The following ZBTB7C variants were observed in gnomAD, a reference collection of about 807,000 sequenced individuals.
The protein encoded by ZBTB7C is zinc finger and BTB domain containing 7C.
ZBTB7C carries 8 observed loss-of-function variants against 25.7 expected under a neutral mutation model. The observed-to-expected ratio is 0.31, with a 90% CI of 0.18 to 0.56. The LOEUF is 0.56. ZBTB7C is among the 20% of genes least tolerant of loss of function. ZBTB7C has a pLI of 0.91. For missense variants in ZBTB7C, 824 were observed against 855.2 expected (o/e 0.96, Z 0.46); for synonymous variants, 394 against 369.0 (o/e 1.07, Z -0.78).
At chr18:48,136,946 G>A (rs1252519380) in intron 3 of ZBTB7C, 3 of 968,886 alleles carry the variant, frequency 3.1e-6, no homozygotes, top group East Asian at 1.1e-4. Context: ...CGGCCCGGCC[G>A]CTGGGCTCCC....
At chr18:48,186,826 G>C (rs540917577) in intron 2 of ZBTB7C, among the ~76,000 whole-genome samples, 1 of 152,316 alleles carries the variant, frequency 6.6e-6, no homozygotes, top group South Asian at 2.1e-4. Flanking sequence ...AGTGATTTTA[G>C]TTGGCTTTTA....
At chr18:48,173,172 G>A (rs2041550172) in intron 3 of ZBTB7C, among the ~76,000 whole-genome samples, 1 of 152,164 alleles carries the variant, frequency 6.6e-6, no homozygotes, top group African/African-American at 2.4e-5. Flanking sequence ...GAACAGTTCT[G>A]CTGTTAGACC....
At chr18:48,047,533 G>T (rs1220177755) in intron 3 of ZBTB7C, among the ~76,000 whole-genome samples, 1 of 152,188 alleles carries the variant, frequency 6.6e-6, no homozygotes, top group Non-Finnish European at 1.5e-5. Flanking sequence ...AATGCAGGCG[G>T]GTTGAAACCT....
intron 2 of ZBTB7C, among the ~76,000 whole-genome samples, chr18:48,314,025 T>A (rs1046199499): frequency 1.2e-4 from 18 of 152,160 alleles, no homozygotes; most frequent in African/African-American, 4.3e-4. Context: ...ACCACCTGCC[T>A]CACCAGAACC....
At chr18:48,212,952 C>T (rs1449370932) in intron 2 of ZBTB7C, among the ~76,000 whole-genome samples, 1 of 152,204 alleles carries the variant, frequency 6.6e-6, no homozygotes, top group African/African-American at 2.4e-5. Context: ...CAAAACTCCT[C>T]AAACCCAAGT....
At position 48,317,240 on chromosome 18, in the gene ZBTB7C, A is replaced by T. The variant is rs535290906; in HGVS notation, c.-79+20934T>A. On this transcript the variant is annotated intron_variant, in intron 2 of 4. Transcript: ENST00000590800. ...CCACTGCAATCCAGCCTGGGCGACA[A>T]GAGTGAAACTCCGTCTCAAAAAAAA... Among the ~76,000 whole-genome samples the T allele has an allele frequency of 3.5e-4, 51 of 147,556 alleles. 1 individual carries two copies. The South Asian group carries it at 0.012, about 33-fold the overall frequency.
chr18:48,284,808 AAAACAG>A (rs1423676340), intron 2 of ZBTB7C, among the ~76,000 whole-genome samples: 1 of 133,522 alleles, frequency 7.5e-6, no homozygotes. Flanking sequence ...AAAAAAAAAA[AAAACAG>A]AGAGAGAGAG....
intron 1 of ZBTB7C, among the ~76,000 whole-genome samples, chr18:48,387,892 T>C (rs547081815): frequency 2.0e-5 from 3 of 152,302 alleles, no homozygotes; most frequent in Middle Eastern, 3.4e-3. Flanking sequence ...AGTGGTGCGA[T>C]CTCAGCTCAC....
At chr18:48,370,406 G>A (rs1247390442) in intron 1 of ZBTB7C, among the ~76,000 whole-genome samples, 1 of 152,106 alleles carries the variant, frequency 6.6e-6, no homozygotes, top group Non-Finnish European at 1.5e-5. Context: ...GGTTTCCAGG[G>A]TAAAGCAGGG....
intron 2 of ZBTB7C, among the ~76,000 whole-genome samples, chr18:48,191,641 T>G (rs1398484826): frequency 6.6e-6 from 1 of 152,156 alleles, no homozygotes. Context: ...AGAAAGTACT[T>G]CTGGGGCTAG....
chr18:48,126,747 A>G (rs1387944297), intron 3 of ZBTB7C, among the ~76,000 whole-genome samples: 1 of 152,120 alleles, frequency 6.6e-6, no homozygotes, highest in East Asian at 1.9e-4. Context: ...GAGTTCTTCA[A>G]CCTGGTAGGG....
At chr18:48,295,744 G>T (rs1169688145) in intron 2 of ZBTB7C, among the ~76,000 whole-genome samples, 1 of 152,150 alleles carries the variant, frequency 6.6e-6, no homozygotes, top group Admixed American at 6.5e-5. Context: ...GAAACTCTAG[G>T]TGGCAGGCCT....
intron 3 of ZBTB7C, among the ~76,000 whole-genome samples, chr18:48,067,711 C>A (rs1266666297): frequency 6.6e-6 from 1 of 152,150 alleles, no homozygotes; most frequent in Non-Finnish European, 1.5e-5. Context: ...TAAAATAAAT[C>A]TCTCTCTCAG....
intron 3 of ZBTB7C, among the ~76,000 whole-genome samples, chr18:48,131,843 C>T (rs1435905254): frequency 1.3e-5 from 2 of 152,164 alleles, no homozygotes; most frequent in Non-Finnish European, 1.5e-5. Flanking sequence ...AGCATATAAA[C>T]CCTTAAAGAT....
At chr18:48,351,923 T>C (rs1033860187) in intron 1 of ZBTB7C, among the ~76,000 whole-genome samples, 137 of 152,112 alleles carry the variant, frequency 9.0e-4, no homozygotes, top group Non-Finnish European at 2.9e-4. Context: ...GAGTGCTAAG[T>C]CCCAGCAGGT....
At chr18:48,144,689 G>C (rs934035839) in intron 3 of ZBTB7C, among the ~76,000 whole-genome samples, 2 of 152,104 alleles carry the variant, frequency 1.3e-5, no homozygotes, top group African/African-American at 4.8e-5. Flanking sequence ...GACAGTCTCA[G>C]ATTTATCACT....
rs1249721142 is a variant in ZBTB7C at position 48,185,923 on chromosome 18, T to G, written c.-17+11A>C. ...AAGCCACAGAACTAAAAAAGCAAAA[T>G]TCATACTCACAAGCACCGATGCCTT... is the stretch of plus-strand genomic sequence containing the variant. On this transcript the variant is annotated intron_variant, in intron 3 of 4. Coordinates refer to ENST00000590800, the MANE Select transcript of ZBTB7C (RefSeq NM_001318841.2). The G allele has an allele frequency of 1.3e-5, 2 of 152,208 alleles. No individual in the cohort carries two copies. The highest frequency in any genetic ancestry group is 4.8e-5 in the African/African-American group (2 of 41,440). 9.4% of individuals were successfully genotyped at this position (152,208 alleles called of 1,614,324 possible). A position where few individuals can be genotyped will look rare whatever the true frequency, so the allele number is the denominator to read the frequency against.
intron 2 of ZBTB7C, among the ~76,000 whole-genome samples, chr18:48,261,524 G>A (rs1320150225): frequency 1.3e-5 from 2 of 152,224 alleles, no homozygotes; most frequent in African/African-American, 4.8e-5. Flanking sequence ...ACTGGCTCCA[G>A]AGAGAGTTGT....
At chr18:48,309,222 G>C (rs2045753483) in intron 2 of ZBTB7C, among the ~76,000 whole-genome samples, 1 of 152,224 alleles carries the variant, frequency 6.6e-6, no homozygotes, top group Admixed American at 6.5e-5. Flanking sequence ...GAGACCACTA[G>C]TCTCCATTAG....
Sources: allele counts gnomAD v4.1 joint callset (sites outside exome capture counted in the v4.1 genomes callset), GRCh38; gene constraint gnomAD v4.1.1; transcripts MANE v1.5; gene names NCBI Gene and HGNC (gene_info 2026-07-23, HGNC 2026-07-21).